CUL4A: variants seen among roughly 807,000 people sequenced by gnomAD.
CUL4A encodes the protein cullin-4A.
CUL4A carries 16 observed loss-of-function variants against 95.5 expected under a neutral mutation model. That is an observed-to-expected ratio of 0.17 (90% confidence interval 0.11 to 0.25). The LOEUF is 0.25. Ranked by LOEUF, CUL4A falls within the 10% of genes least tolerant of loss-of-function variation. The probability of loss-of-function intolerance (pLI) is 1.00; values close to 1 mark genes in which losing one functional copy is unlikely to be tolerated. For missense variants in CUL4A, 610 were observed against 937.0 expected (o/e 0.65, Z 4.56); for synonymous variants, 380 against 353.1 (o/e 1.08, Z -0.85).
At chr13:113,255,352 C>CA (rs928349324) in intron 18 of CUL4A, among the ~76,000 whole-genome samples, 5 of 152,204 alleles carry the variant, frequency 3.3e-5, no homozygotes, top group African/African-American at 1.2e-4. Flanking sequence ...TTCCTATTCA[C>CA]AAAAAAGTTG....
intron 19 of CUL4A, among the ~76,000 whole-genome samples, chr13:113,262,010 C>A (rs1229471170): frequency 6.6e-6 from 1 of 152,182 alleles, no homozygotes; most frequent in Non-Finnish European, 1.5e-5. Flanking sequence ...AAACTCCTGA[C>A]CTCGTGATCC....
At chr13:113,233,725 A>G (rs867773744) in intron 6 of CUL4A, among the ~76,000 whole-genome samples, 172 bp from the exon 7 acceptor site, 12 of 152,324 alleles carry the variant, frequency 7.9e-5, no homozygotes, top group Non-Finnish European at 1.5e-4. Flanking sequence ...AGAACAGAGG[A>G]GGGCCTGCCC....
chr13:113,227,907 C>CAAAAAA, intron 3 of CUL4A, 69 bp from the exon 4 acceptor site: 1 of 787,540 alleles, frequency 1.3e-6, no homozygotes, highest in Non-Finnish European at 1.9e-6. Flanking sequence ...GACTCCATCT[C>CAAAAAA]AAAAAAAAAA....
At chr13:113,208,773 C>G (rs1402756007), upstream of CUL4A, 2 of 1,427,790 alleles carry the variant, frequency 1.4e-6, no homozygotes, top group East Asian at 2.7e-5. Flanking sequence ...GAGGGAGAAC[C>G]TGGGGACCGG....
At chr13:113,242,222 G>A (rs1459074793) in intron 10 of CUL4A, among the ~76,000 whole-genome samples, 3 of 151,430 alleles carry the variant, frequency 2.0e-5, no homozygotes, top group Admixed American at 6.6e-5. Flanking sequence ...CCGAGATCAC[G>A]CCACTGCACT....
chr13:113,247,199 G>T (rs974610903), intron 15 of CUL4A, among the ~76,000 whole-genome samples: 3 of 152,092 alleles, frequency 2.0e-5, no homozygotes, highest in Non-Finnish European at 4.4e-5. Context: ...CCACCCCCAT[G>T]ACCCAAACAC....
At chr13:113,241,500 T>G (rs1453136392) in intron 10 of CUL4A, among the ~76,000 whole-genome samples, 1 of 150,592 alleles carries the variant, frequency 6.6e-6, no homozygotes, top group African/African-American at 2.4e-5. Context: ...CTGTGCCCTT[T>G]CTGTTGGCAT....
chr13:113,225,441 A>G (rs2041065730), intron 3 of CUL4A, among the ~76,000 whole-genome samples: 1 of 152,224 alleles, frequency 6.6e-6, no homozygotes, highest in African/African-American at 2.4e-5. Context: ...GAGGATCTAT[A>G]TTGATTTTAC....
rs1274143196 is a variant in CUL4A at position 113,209,743 on chromosome 13, G to A, written c.116G>A (p.Gly39Asp). 1.7e-6 allele frequency: 2 copies of A among 1,171,834 alleles called. No homozygotes were observed. The highest frequency in any genetic ancestry group is 1.6e-5 in the African/African-American group (1 of 62,198). The allele number at this position is 1,171,834 out of a possible 1,614,324, so 72.6% of individuals were successfully genotyped here. ...CCCGCCAAGCCGGGGGGCGCGGGCG[G>A]CTCCAAGAAGCTGGTCATCAAGAAC... ...AAPAKPGGAG[G>D]SKKLVIKNFR... The change falls in exon 1 of 20, where the codon GGC becomes GAC. Residue 39 changes from glycine to aspartate, a missense_variant. Physicochemically the swap from Gly to Asp is moderately conservative, Grantham distance 94 (BLOSUM62 -1). Transcript: ENST00000375440.
intron 14 of CUL4A, among the ~76,000 whole-genome samples, chr13:113,245,600 CATAG>C (rs1415039572): frequency 6.6e-6 from 1 of 151,970 alleles, no homozygotes; most frequent in Non-Finnish European, 1.5e-5. Flanking sequence ...AGTACCTTGT[CATAG>C]ATAGATAAAT....
At chr13:113,213,639 A>T (rs2040534953) in intron 2 of CUL4A, among the ~76,000 whole-genome samples, 1 of 152,222 alleles carries the variant, frequency 6.6e-6, no homozygotes, top group Non-Finnish European at 1.5e-5. Context: ...ACTTTGCAAC[A>T]CCTTGTACAC....
intron 2 of CUL4A, among the ~76,000 whole-genome samples, chr13:113,213,494 C>T (rs1189810466): frequency 6.6e-6 from 1 of 151,832 alleles, no homozygotes; most frequent in Non-Finnish European, 1.5e-5. Flanking sequence ...GAAACGAGTC[C>T]CACCTGAACT....
intron 2 of CUL4A, among the ~76,000 whole-genome samples, chr13:113,218,382 A>G (rs1447267398): frequency 6.6e-6 from 1 of 152,236 alleles, no homozygotes; most frequent in Non-Finnish European, 1.5e-5. Context: ...GTCACCCAGA[A>G]AAAGCTCAGT....
At chr13:113,226,002 C>T (rs1324924290) in intron 3 of CUL4A, among the ~76,000 whole-genome samples, 1 of 152,148 alleles carries the variant, frequency 6.6e-6, no homozygotes, top group African/African-American at 2.4e-5. Context: ...TAGCCAGGCC[C>T]CTGTAGCTTT....
chr13:113,251,892 G>A (rs896196491), intron 15 of CUL4A, among the ~76,000 whole-genome samples: 1 of 152,190 alleles, frequency 6.6e-6, no homozygotes, highest in Non-Finnish European at 1.5e-5. Flanking sequence ...CGGAGCATTG[G>A]CATTTGTGGA....
chr13:113,261,815 C>T (rs1304734450), intron 19 of CUL4A, among the ~76,000 whole-genome samples: 2 of 151,978 alleles, frequency 1.3e-5, no homozygotes, highest in Non-Finnish European at 2.9e-5. Flanking sequence ...TGGAGTCTTG[C>T]TGTCCCCCAG....
chr13:113,238,149 A>G (rs2041604224), intron 9 of CUL4A, among the ~76,000 whole-genome samples: 1 of 152,182 alleles, frequency 6.6e-6, no homozygotes, highest in Non-Finnish European at 1.5e-5. Flanking sequence ...CTTTATAAGA[A>G]AAAAGGCCAG....
At position 113,264,451 on chromosome 13, in the gene CUL4A, G is replaced by T. The variant is rs869269234; in HGVS notation, c.*869G>T. On this transcript the variant is annotated 3_prime_UTR_variant, in exon 20 of 20. Coordinates refer to ENST00000375440, the MANE Select transcript of CUL4A (RefSeq NM_001008895.4). ...TGCGCAGGGACGATCCTTGTTCTCT[G>T]CTGTAAACTGTAAAAAGTTTATGGA... 6.6e-6 allele frequency: 1 copy of T among 152,156 alleles called. No individual in the cohort carries two copies. The highest frequency in any genetic ancestry group is 2.4e-5 in the African/African-American group (1 of 41,438). The allele number at this position is 152,156 out of a possible 1,614,324, so 9.4% of individuals were successfully genotyped here. A position where few individuals can be genotyped will look rare whatever the true frequency, so the allele number is the denominator to read the frequency against.
intron 19 of CUL4A, among the ~76,000 whole-genome samples, chr13:113,262,396 G>A (rs1017090310): frequency 1.3e-5 from 2 of 152,124 alleles, no homozygotes; most frequent in Non-Finnish European, 2.9e-5. Context: ...TCACGCCAGC[G>A]ATCCCAGCAC....
Sources: allele counts gnomAD v4.1 joint callset (sites outside exome capture counted in the v4.1 genomes callset), GRCh38; gene constraint gnomAD v4.1.1; transcripts MANE v1.5; gene names NCBI Gene and HGNC (gene_info 2026-07-23, HGNC 2026-07-21).